UBTD1: variants seen among roughly 807,000 people sequenced by gnomAD.
The protein encoded by UBTD1 is ubiquitin domain containing 1, also known as ubiquitin domain-containing protein 1.
UBTD1 carries 19 observed loss-of-function variants against 21.7 expected under a neutral mutation model. The observed-to-expected ratio is 0.87, with a 90% CI of 0.61 to 1.28. UBTD1 has a LOEUF of 1.28. Ranked by LOEUF, UBTD1 falls within the 50% of genes most tolerant of loss-of-function variation. UBTD1 has a pLI of 0.00. For missense variants in UBTD1, 282 were observed against 315.1 expected, an observed-to-expected ratio of 0.89 and a Z score of 0.80; for synonymous variants, 116 against 135.1, an observed-to-expected ratio of 0.86 and a Z score of 0.98.
In UBTD1 at chr10:97,527,911, A is replaced by G. The variant is rs192528912; in HGVS notation, c.70+28638A>G. 5.1e-3 allele frequency among the ~76,000 whole-genome samples: 781 copies of G among 152,292 alleles called. 10 individuals carry two copies. The highest frequency in any genetic ancestry group is 0.018 in the African/African-American group (731 of 41,562). On this transcript the variant is annotated intron_variant, in intron 1 of 2. Coordinates refer to ENST00000370664, the MANE Select transcript of UBTD1 (RefSeq NM_024954.5). ...AATCTTCCACCTTTCCCCCTTTTCT[A>G]TTCCACAAAACCGCCATTGTCATCA...
At chr10:97,514,499 A>G (rs2040436010) in intron 1 of UBTD1, among the ~76,000 whole-genome samples, 1 of 152,130 alleles carries the variant, frequency 6.6e-6, no homozygotes, top group African/African-American at 2.4e-5. Flanking sequence ...AGGTCATTTC[A>G]GGGGAGAAAC....
chr10:97,499,267 C>T lies in UBTD1; in HGVS notation c.64C>T (p.Arg22Ter). The T allele has an allele frequency of 6.5e-7, 1 of 1,548,602 alleles. No homozygotes were observed. Among genetic ancestry groups the T allele is most frequent in the Non-Finnish European group, 8.7e-7 (1 of 1,145,784 alleles). Residue 22 changes from arginine to a stop codon, truncating the protein, a stop_gained, in exon 1 of 3, where the codon CGA (arginine) becomes TGA (stop). Coordinates refer to ENST00000370664, the MANE Select transcript of UBTD1 (RefSeq NM_024954.5). LOFTEE classifies it high-confidence loss of function. ...GGCAGCCCCGGGACACCCCCGCAAG[C>T]GAGCAGGTAACGATGGGGAAGGGAG... ...RPAAPGHPRK[R>*]AGRNEPLKKE...
intron 1 of UBTD1, among the ~76,000 whole-genome samples, chr10:97,516,857 G>A (rs557575005): frequency 6.6e-6 from 1 of 152,302 alleles, no homozygotes; most frequent in South Asian, 2.1e-4. Flanking sequence ...GACAGCTGGG[G>A]GGAGTGGGGA....
At chr10:97,558,805 T>A (rs532606807) in intron 1 of UBTD1, among the ~76,000 whole-genome samples, 3 of 152,240 alleles carry the variant, frequency 2.0e-5, no homozygotes, top group Non-Finnish European at 4.4e-5. Flanking sequence ...TTGCGGGGCT[T>A]CGATTGCATC....
chr10:97,541,245 G>A (rs1286088985), intron 1 of UBTD1, among the ~76,000 whole-genome samples: 1 of 152,194 alleles, frequency 6.6e-6, no homozygotes, highest in Non-Finnish European at 1.5e-5. Flanking sequence ...GGGAGGCTGA[G>A]GCAGGAGGAT....
intron 1 of UBTD1, among the ~76,000 whole-genome samples, chr10:97,557,160 C>G (rs1380787737): frequency 6.6e-6 from 1 of 152,172 alleles, no homozygotes; most frequent in Non-Finnish European, 1.5e-5. Context: ...CTTGTAGAGA[C>G]TGGGCTACAT....
chr10:97,537,003 T>A (rs1461398535), intron 1 of UBTD1, among the ~76,000 whole-genome samples: 1 of 151,732 alleles, frequency 6.6e-6, no homozygotes, highest in Non-Finnish European at 1.5e-5. Flanking sequence ...AGAATTGGAG[T>A]AGACGTGCAT....
chr10:97,541,726 T>C (rs1473386041), intron 1 of UBTD1, among the ~76,000 whole-genome samples: 1 of 145,892 alleles, frequency 6.9e-6, no homozygotes, highest in East Asian at 2.0e-4. Flanking sequence ...AGGTCCTCTC[T>C]GATTTTTTTT....
intron 1 of UBTD1, among the ~76,000 whole-genome samples, chr10:97,511,278 A>G (rs577677033): frequency 4.6e-5 from 7 of 152,256 alleles, no homozygotes; most frequent in South Asian, 4.1e-4. Flanking sequence ...CCACTGAGGT[A>G]GAGATTCTCC....
At chr10:97,553,240 T>C (rs554712914) in intron 1 of UBTD1, among the ~76,000 whole-genome samples, 1 of 152,310 alleles carries the variant, frequency 6.6e-6, no homozygotes, top group South Asian at 2.1e-4. Flanking sequence ...CAGGCAGTTC[T>C]CCTGCCTCAG....
intron 1 of UBTD1, among the ~76,000 whole-genome samples, chr10:97,509,957 T>A (rs559432170): frequency 1.5e-4 from 20 of 132,546 alleles, no homozygotes; most frequent in African/African-American, 6.7e-4. Context: ...GTGCCTGGCC[T>A]TTTTTTTTTT....
chr10:97,533,678 C>T (rs2040544533), intron 1 of UBTD1, among the ~76,000 whole-genome samples: 1 of 152,074 alleles, frequency 6.6e-6, no homozygotes, highest in African/African-American at 2.4e-5. Context: ...AATCCCAGCA[C>T]TTTGGGGGAC....
At chr10:97,541,359 C>T (rs2040586202) in intron 1 of UBTD1, among the ~76,000 whole-genome samples, 1 of 151,950 alleles carries the variant, frequency 6.6e-6, no homozygotes, top group South Asian at 2.1e-4. Flanking sequence ...TGCCTGTAGT[C>T]CCAGCTACTT....
At chr10:97,568,703 G>A (rs992993503) in intron 2 of UBTD1, among the ~76,000 whole-genome samples, 1 of 152,034 alleles carries the variant, frequency 6.6e-6, no homozygotes, top group African/African-American at 2.4e-5. Context: ...CCTTTTATTG[G>A]GTTGTTATGT....
chr10:97,537,472 T>C (rs2040568292), intron 1 of UBTD1, among the ~76,000 whole-genome samples: 1 of 152,182 alleles, frequency 6.6e-6, no homozygotes, highest in African/African-American at 2.4e-5. Flanking sequence ...GGATTCTTGA[T>C]CAGAAATGCC....
chr10:97,513,056 G>A (rs1409243598), intron 1 of UBTD1, among the ~76,000 whole-genome samples: 1 of 152,208 alleles, frequency 6.6e-6, no homozygotes, highest in Non-Finnish European at 1.5e-5. Context: ...AAGGGAATTG[G>A]TATTGCTGGG....
intron 1 of UBTD1, among the ~76,000 whole-genome samples, chr10:97,527,822 A>G (rs957186331): frequency 2.0e-5 from 3 of 152,184 alleles, no homozygotes; most frequent in Non-Finnish European, 2.9e-5. Flanking sequence ...TTAGTACAGA[A>G]CAAAATGAAA....
chr10:97,535,633 G>GA (rs928441716), intron 1 of UBTD1, among the ~76,000 whole-genome samples: 18 of 151,384 alleles, frequency 1.2e-4, no homozygotes, highest in African/African-American at 2.4e-4. Flanking sequence ...AAAAGAAAAA[G>GA]AAAAAAAAAT....
intron 1 of UBTD1, among the ~76,000 whole-genome samples, chr10:97,548,764 A>C (rs1048710524): frequency 6.6e-6 from 1 of 152,198 alleles, no homozygotes; most frequent in African/African-American, 2.4e-5. Flanking sequence ...GCAACAGAGC[A>C]AGACTCCGTC....
Sources: gnomAD v4.1 joint callset for allele counts (sites outside exome capture counted in the v4.1 genomes callset) on GRCh38, gnomAD v4.1.1 for gene constraint, MANE v1.5 for transcripts, NCBI Gene and HGNC (gene_info 2026-07-23, HGNC 2026-07-21) for gene names.